The following PITPNB variants were observed in gnomAD, a reference collection of about 807,000 sequenced individuals.
PITPNB encodes phosphatidylinositol transfer protein beta.
A neutral mutation model predicts 45.9 loss-of-function variants in PITPNB; 16 were observed. That is an observed-to-expected ratio of 0.35 (90% CI 0.24 to 0.53). The LOEUF (loss-of-function observed/expected upper bound fraction) is 0.53, where lower values mean the gene tolerates loss of function less well. PITPNB is among the 20% of genes least tolerant of loss of function. The probability of loss-of-function intolerance (pLI) is 0.93; values close to 1 mark genes in which losing one functional copy is unlikely to be tolerated. For missense variants in PITPNB, 188 were observed against 330.5 expected (o/e 0.57, Z 3.34); for synonymous variants, 112 against 108.9 (o/e 1.03, Z -0.18).
At chr22:27,885,316 T>G (rs1229740320) in intron 7 of PITPNB, among the ~76,000 whole-genome samples, 5 of 147,676 alleles carry the variant, frequency 3.4e-5, no homozygotes, top group African/African-American at 5.0e-5. Flanking sequence ...GATATGCATG[T>G]GCATTTCATC....
chr22:27,876,270 T>C (rs1934816542), intron 7 of PITPNB, among the ~76,000 whole-genome samples: 1 of 152,202 alleles, frequency 6.6e-6, no homozygotes, highest in African/African-American at 2.4e-5. Context: ...GCACTAGAGA[T>C]ATCAAAGTGG....
At chr22:27,876,782 T>A (rs1340662539) in intron 7 of PITPNB, among the ~76,000 whole-genome samples, 1 of 152,226 alleles carries the variant, frequency 6.6e-6, no homozygotes, top group Non-Finnish European at 1.5e-5. Context: ...GAATGCAACC[T>A]CAGCTACCAA....
At chr22:27,863,874 T>C (rs1426656588) in intron 8 of PITPNB, among the ~76,000 whole-genome samples, 1 of 152,236 alleles carries the variant, frequency 6.6e-6, no homozygotes, top group East Asian at 1.9e-4. Context: ...AATCAATTAA[T>C]ACTGGTAATT....
At chr22:27,914,565 T>C (rs375545843) in intron 1 of PITPNB, among the ~76,000 whole-genome samples, 17 of 152,252 alleles carry the variant, frequency 1.1e-4, no homozygotes, top group African/African-American at 4.1e-4. Flanking sequence ...TCATTTGCAT[T>C]TAGTGTTCCC....
At chr22:27,917,337 C>A (rs1454443739) in intron 1 of PITPNB, among the ~76,000 whole-genome samples, 1 of 152,168 alleles carries the variant, frequency 6.6e-6, no homozygotes, top group African/African-American at 2.4e-5. Flanking sequence ...AGGAAATACT[C>A]CAATGAAAGA....
At chr22:27,862,228 A>AT (rs1428244090) in intron 8 of PITPNB, among the ~76,000 whole-genome samples, 2 of 152,250 alleles carry the variant, frequency 1.3e-5, no homozygotes, top group African/African-American at 4.8e-5. Flanking sequence ...AAAATGATTA[A>AT]TTTCTAAGTC....
chr22:27,868,494 T>C lies in PITPNB; in HGVS notation c.534+5244A>G, dbSNP rs189437491. ...ATGGCAGTAAACAAATTAACATCTCTATAATGCAGAAATATGGTTTCCCTC... is the reference window on the plus strand; with the variant it reads ...ATGGCAGTAAACAAATTAACATCTCCATAATGCAGAAATATGGTTTCCCTC... On this transcript the variant is annotated intron_variant, in intron 8 of 11. Coordinates refer to ENST00000335272, the MANE Select transcript of PITPNB (RefSeq NM_012399.5). 4.6e-5 allele frequency among the ~76,000 whole-genome samples: 7 copies of C among 152,288 alleles called. No individual in the cohort carries two copies. The East Asian group carries it at 1.2e-3, about 25-fold the overall frequency.
intron 3 of PITPNB, chr22:27,910,665 T>G (rs1601429591): frequency 8.3e-6 from 2 of 242,356 alleles, no homozygotes; most frequent in South Asian, 2.0e-4. Flanking sequence ...CCTTTGAATA[T>G]ATACAGAAAA....
intron 8 of PITPNB, among the ~76,000 whole-genome samples, chr22:27,865,805 A>T (rs1157441413): frequency 6.6e-6 from 1 of 152,182 alleles, no homozygotes; most frequent in Non-Finnish European, 1.5e-5. Flanking sequence ...TCCCCGTGAC[A>T]TGTGTTTACC....
intron 2 of PITPNB, among the ~76,000 whole-genome samples, chr22:27,912,334 TC>T (rs1935950404): frequency 6.6e-6 from 1 of 152,212 alleles, no homozygotes; most frequent in African/African-American, 2.4e-5. Context: ...TCTTAAATGC[TC>T]CCAAAATAAA....
At chr22:27,915,424 A>G (rs1007676136) in intron 1 of PITPNB, among the ~76,000 whole-genome samples, 2 of 151,994 alleles carry the variant, frequency 1.3e-5, no homozygotes, top group African/African-American at 4.8e-5. Flanking sequence ...TCTTATTCGT[A>G]AGTATGAAGA....
At chr22:27,861,371 T>C (rs1185478811) in intron 8 of PITPNB, among the ~76,000 whole-genome samples, 1 of 152,134 alleles carries the variant, frequency 6.6e-6, no homozygotes, top group Admixed American at 6.5e-5. Context: ...ATGTTATTAT[T>C]GATGATTTCT....
chr22:27,863,765 C>T (rs886894788), intron 8 of PITPNB, among the ~76,000 whole-genome samples: 1 of 152,182 alleles, frequency 6.6e-6, no homozygotes, highest in Non-Finnish European at 1.5e-5. Context: ...TATGCCTACA[C>T]TAAACTTGAG....
At chr22:27,882,463 CCAA>C (rs1009463601) in intron 7 of PITPNB, among the ~76,000 whole-genome samples, 1 of 152,178 alleles carries the variant, frequency 6.6e-6, no homozygotes, top group African/African-American at 2.4e-5. Flanking sequence ...GTTCTTACTA[CCAA>C]GACATACTCA....
At chr22:27,857,029 T>C (rs1415835308) in intron 10 of PITPNB, among the ~76,000 whole-genome samples, 1 of 152,210 alleles carries the variant, frequency 6.6e-6, no homozygotes, top group Non-Finnish European at 1.5e-5. Flanking sequence ...TTAAGTGTTT[T>C]GCCTGTGGCT....
chr22:27,918,732 C>T (rs1166504785), intron 1 of PITPNB, among the ~76,000 whole-genome samples: 1 of 152,228 alleles, frequency 6.6e-6, no homozygotes, highest in Non-Finnish European at 1.5e-5. Context: ...AGCCCATCTC[C>T]CGCTGGTTAC....
intron 1 of PITPNB, 130 bp from the exon 2 acceptor site, chr22:27,914,477 G>A (rs992226178): frequency 1.7e-6 from 1 of 575,790 alleles, no homozygotes; most frequent in Middle Eastern, 4.8e-4. Flanking sequence ...ATACAAGGGT[G>A]TCATTTATGG....
At chr22:27,885,951 T>A (rs923745227) in intron 7 of PITPNB, among the ~76,000 whole-genome samples, 1 of 152,208 alleles carries the variant, frequency 6.6e-6, no homozygotes, top group Non-Finnish European at 1.5e-5. Flanking sequence ...AGTACAATCC[T>A]GACCGCCAAG....
chr22:27,917,526 A>G (rs1352756515), intron 1 of PITPNB, among the ~76,000 whole-genome samples: 1 of 152,270 alleles, frequency 6.6e-6, no homozygotes, highest in Non-Finnish European at 1.5e-5. Flanking sequence ...GACTTGGAAG[A>G]AAAGTTTTAT....
Sources: gnomAD v4.1 joint callset for allele counts (sites outside exome capture counted in the v4.1 genomes callset) on GRCh38, gnomAD v4.1.1 for gene constraint, MANE v1.5 for transcripts, NCBI Gene and HGNC (gene_info 2026-07-23, HGNC 2026-07-21) for gene names.